The following DSPP variants were observed in gnomAD, a reference collection of about 807,000 sequenced individuals.
DSPP encodes deafness, autosomal dominant 39.
Under a neutral mutation model 29.1 loss-of-function variants are expected in DSPP, and 28 were observed. That is an observed-to-expected ratio of 0.96 (90% CI 0.71 to 1.32). The LOEUF is 1.32. DSPP is among the 40% of genes most tolerant of loss of function. DSPP has a pLI of 0.00. For missense variants in DSPP, 1,281 were observed against 1,629.9 expected (o/e 0.79, Z 3.69); for synonymous variants, 481 against 503.4 (o/e 0.96, Z 0.60).
rs765565376 is a variant in DSPP, at chr4:87,612,601, C to A, written c.415C>A (p.Gln139Lys). ...CATCACAGCAAATGGCATCCAGGGA[C>A]AAGTAAGCATCATTGACAATGCTGG... ...ENITANGIQG[Q>K]VSIIDNAGAT... Residue 139 changes from glutamine to lysine, a missense_variant, in exon 4 of 5, where the codon CAA becomes AAA. Coordinates refer to ENST00000651931, the MANE Select transcript of DSPP (RefSeq NM_014208.3). 6.2e-7 allele frequency: 1 copy of A among 1,613,970 alleles called. No individual in the cohort carries two copies. Among genetic ancestry groups the A allele is most frequent in the Non-Finnish European group, 8.5e-7 (1 of 1,179,968 alleles).
chr4:87,615,882 G>C lies in DSPP; in HGVS notation c.3220G>C (p.Asp1074His), dbSNP rs1727898580. Reference protein sequence around the residue: ...SDSSDSSDSSDSSDSSDSSES... With the variant: ...SDSSDSSDSSHSSDSSDSSES... ...CAGCAGTGATAGCAGTGACAGCAGT[G>C]ACAGCAGCGACAGCAGTGATAGCAG... is the stretch of plus-strand genomic sequence containing the variant. The change falls in exon 5 of 5, where the codon GAC (aspartate) becomes CAC (histidine). Residue 1074 changes from aspartate to histidine, a missense_variant. Coordinates refer to ENST00000651931, the MANE Select transcript of DSPP (RefSeq NM_014208.3). 6.6e-7 allele frequency: 1 copy of C among 1,522,430 alleles called. No homozygotes were observed. The highest frequency in any genetic ancestry group is 8.8e-7 in the Non-Finnish European group (1 of 1,136,974). The allele number at this position is 1,522,430 out of a possible 1,614,324, so 94.3% of individuals were successfully genotyped here.
chr4:87,615,818 T>TGACAGCAGC lies in DSPP; in HGVS notation c.3157_3165dup (p.Asp1053_Ser1055dup), dbSNP rs1727893845. 1 of 1,513,116 alleles carries TGACAGCAGC rather than the reference T, an allele frequency of 6.6e-7. No homozygotes were observed. The highest frequency in any genetic ancestry group is 1.8e-5 in the African/African-American group (1 of 56,130). 93.7% of individuals were successfully genotyped at this position (1,513,116 alleles called of 1,614,324 possible). A position where few individuals can be genotyped will look rare whatever the true frequency, so the allele number is the denominator to read the frequency against. On this transcript the variant is annotated inframe_insertion, in exon 5 of 5. Coordinates refer to ENST00000651931, the MANE Select transcript of DSPP (RefSeq NM_014208.3). Reference sequence around the variant, plus strand: ...ACAGCAGCGATAGCAGTGACAGCAGTGACAGCAGCAATAGCAGTGACAGCA... The same window carrying TGACAGCAGC: ...ACAGCAGCGATAGCAGTGACAGCAGTGACAGCAGCGACAGCAGCAATAGCAGTGACAGCA...
At position 87,612,186 on chromosome 4, in the gene DSPP, C is replaced by A. The variant is rs121912985; in HGVS notation, c.133C>A (p.Gln45Lys). 4 of 1,613,900 alleles carry A rather than the reference C, an allele frequency of 2.5e-6. No individual in the cohort carries two copies. The highest frequency in any genetic ancestry group is 2.5e-6 in the Non-Finnish European group (3 of 1,179,902). Residue 45 changes from glutamine to lysine, a missense_variant and splice_region_variant, in exon 3 of 5, where the codon CAG becomes AAG. Gln to Lys is a moderately conservative substitution (Grantham distance 53). Around this residue, in one of 4 missense-constraint regions of DSPP, gnomAD observed 631 missense variants for 643.2 expected, o/e 0.98. Transcript: ENST00000651931. Reference sequence around the variant, plus strand: ...CCTAGCAAGATCAAATGTGTCAGTACAGGTATAGGATGTAATATATTTCAT... The same window carrying A: ...CCTAGCAAGATCAAATGTGTCAGTAAAGGTATAGGATGTAATATATTTCAT... Reference protein sequence around the residue: ...HLLARSNVSVQDELNASGTIK... With the variant: ...HLLARSNVSVKDELNASGTIK...
intron 4 of DSPP, 133 bp from the exon 5 acceptor site, chr4:87,613,652 C>G (rs1433427822): frequency 7.6e-7 from 1 of 1,323,692 alleles, no homozygotes; most frequent in East Asian, 2.3e-5. Flanking sequence ...CACATTTTCA[C>G]AAATAACTGT....
Position 87,616,494 on chromosome 4 carries a change from G to A in DSPP, c.3832G>A (p.Gly1278Ser). ...TGACAGCCAGAGCAAGTCTGGTAAC[G>A]GTAACAACAATGGAAGTGACAGTGA... ...ESDSQSKSGN[G>S]NNNGSDSDSD... The change falls in exon 5 of 5, where the codon GGT (glycine) becomes AGT (serine). Residue 1278 changes from glycine (G) to serine (S), a missense_variant. Around this residue, in one of 4 missense-constraint regions of DSPP, gnomAD observed 134 missense variants for 185.0 expected, o/e 0.72. Coordinates refer to ENST00000651931, the MANE Select transcript of DSPP (RefSeq NM_014208.3). 5.2e-6 allele frequency: 8 copies of A among 1,551,750 alleles called. No homozygotes were observed. Among genetic ancestry groups the A allele is most frequent in the Non-Finnish European group, 7.0e-6 (8 of 1,147,000 alleles).
rs552366083 is a variant in DSPP at position 87,611,362 on chromosome 4, G to C, written c.51+403G>C. Reference sequence around the variant, plus strand: ...TTTCATTCTAATACGAACAAAGTCTGTGCTGTTTAGGAAGTTTCCAAGAAA... The same window carrying C: ...TTTCATTCTAATACGAACAAAGTCTCTGCTGTTTAGGAAGTTTCCAAGAAA... On this transcript the variant is annotated intron_variant, in intron 2 of 4. Coordinates refer to ENST00000651931, the MANE Select transcript of DSPP (RefSeq NM_014208.3). Among the ~76,000 whole-genome samples the C allele has an allele frequency of 3.3e-5, 5 of 152,234 alleles. No individual in the cohort carries two copies. The East Asian group carries it at 7.7e-4, about 23-fold the overall frequency.
At chr4:87,609,972 A>G (rs1056844819) in intron 1 of DSPP, among the ~76,000 whole-genome samples, 1 of 152,250 alleles carries the variant, frequency 6.6e-6, no homozygotes, top group African/African-American at 2.4e-5. Context: ...GCTATCATTT[A>G]TTCAAAAATT....
chr4:87,609,644 G>C (rs1402033841), intron 1 of DSPP, among the ~76,000 whole-genome samples: 1 of 152,112 alleles, frequency 6.6e-6, no homozygotes, highest in South Asian at 2.1e-4. Flanking sequence ...GTGAGAAAAC[G>C]CCAGTAATTC....
Position 87,616,099 on chromosome 4 carries a change from A to G in DSPP, c.3437A>G (p.Asp1146Gly). The stretch of plus-strand genomic sequence containing the variant: ...AGCAGCAACAGCAGTGACAGCAGTG[A>G]CAGCAGTGAAAGCAGCGACAGCAGT... ...SDSSNSSDSS[D>G]SSESSDSSDS... The change falls in exon 5 of 5, where the codon GAC becomes GGC. Residue 1146 changes from aspartate (D) to glycine (G), a missense_variant. Asp to Gly is a moderately conservative substitution (Grantham distance 94). Transcript: ENST00000651931. 6.6e-7 allele frequency: 1 copy of G among 1,512,968 alleles called. No homozygotes were observed. The highest frequency in any genetic ancestry group is 8.9e-7 in the Non-Finnish European group (1 of 1,129,580). The allele number at this position is 1,512,968 out of a possible 1,614,324, so 93.7% of individuals were successfully genotyped here. A position where few individuals can be genotyped will look rare whatever the true frequency, so the allele number is the denominator to read the frequency against.
rs1267904471 is a variant in DSPP at position 87,612,471 on chromosome 4, A to C, written c.285A>C (p.Thr95=). 4 of 1,613,898 alleles carry C rather than the reference A, an allele frequency of 2.5e-6. No homozygotes were observed. Among genetic ancestry groups the C allele is most frequent in the Non-Finnish European group, 3.4e-6 (4 of 1,179,936 alleles). Residue 95 remains threonine (T), a synonymous_variant, in exon 4 of 5, where the codon ACA becomes ACC. Transcript: ENST00000651931. The part of the protein sequence containing the change: ...WAEVGGKSFS[T]YSTLANEEGN... The stretch of plus-strand genomic sequence containing the variant: ...AAGTAGGAGGGAAGAGTTTTTCTAC[A>C]TATTCCACATTAGCAAACGAAGAGG...
At position 87,615,242 on chromosome 4, in the gene DSPP, C is replaced by T. The variant is rs534966649; in HGVS notation, c.2580C>T (p.Asp860=). 108 of 1,524,530 alleles carry T rather than the reference C, an allele frequency of 7.1e-5. No individual in the cohort carries two copies. In the South Asian group the frequency reaches 1.3e-3, roughly 18 times the overall value. The allele number at this position is 1,524,530 out of a possible 1,614,324, so 94.4% of individuals were successfully genotyped here. The change falls in exon 5 of 5, where the codon GAC becomes GAT. Residue 860 remains aspartate, a synonymous_variant. Coordinates refer to ENST00000651931, the MANE Select transcript of DSPP (RefSeq NM_014208.3). ...GSDSDSSNRS[D]SSNSSDSSDS... ...ATAGCGACAGCAGCAATAGAAGTGA[C>T]AGTAGTAATAGTAGTGACAGCAGCG...
chr4:87,615,504 A>T lies in DSPP; in HGVS notation c.2842A>T (p.Ser948Cys), dbSNP rs1205486052. 3 of 1,543,546 alleles carry T rather than the reference A, an allele frequency of 1.9e-6. No homozygotes were observed. Among genetic ancestry groups the T allele is most frequent in the Non-Finnish European group, 2.6e-6 (3 of 1,141,148 alleles). ...CAACAGCAGTGACAGCAGTGATAGC[A>T]GTGACAGCAGTAATAGTAGTGACAG... is the stretch of plus-strand genomic sequence containing the variant. ...SSNSSDSSDS[S>C]DSSNSSDSSN... The change falls in exon 5 of 5, where the codon AGT becomes TGT. Residue 948 changes from serine (S) to cysteine (C), a missense_variant. Ser to Cys is a moderately radical substitution (Grantham distance 112). Around this residue, in one of 4 missense-constraint regions of DSPP, gnomAD observed 444 missense variants for 611.4 expected, o/e 0.73. Transcript: ENST00000651931.
In DSPP at chr4:87,612,541, T is replaced by C; in HGVS notation, c.355T>C (p.Tyr119His). 1 of 1,613,770 alleles carries C rather than the reference T, an allele frequency of 6.2e-7. No homozygotes were observed. Among genetic ancestry groups the C allele is most frequent in the East Asian group, 2.2e-5 (1 of 44,874 alleles). Residue 119 changes from tyrosine to histidine, a missense_variant, in exon 4 of 5, where the codon TAT becomes CAT. Coordinates refer to ENST00000651931, the MANE Select transcript of DSPP (RefSeq NM_014208.3). ...TGGGGACACAGGAAAAGCAGAAACA[T>C]ATGGTCATGATGGAATACATGGGAA... ...WNGDTGKAET[Y>H]GHDGIHGKEE... is the part of the protein sequence containing the mutation.
rs781578036 is a variant in DSPP at position 87,610,894 on chromosome 4, T to A, written c.-15T>A. ...TTTTTTATACAGCCATTGATTATTA[T>A]TATTCCTAAAGAAAATGAAGATAAT... On this transcript the variant is annotated 5_prime_UTR_variant, in exon 2 of 5. Transcript: ENST00000651931. The A allele has an allele frequency of 1.5e-4, 235 of 1,608,870 alleles. 1 individual carries two copies. Among genetic ancestry groups the A allele is most frequent in the Non-Finnish European group, 1.9e-5 (22 of 1,175,262 alleles).
Position 87,615,010 on chromosome 4 carries a change from G to A in DSPP, c.2348G>A (p.Ser783Asn). 1 of 1,551,062 alleles carries A rather than the reference G, an allele frequency of 6.4e-7. No individual in the cohort carries two copies. Among genetic ancestry groups the A allele is most frequent in the Non-Finnish European group, 8.7e-7 (1 of 1,146,770 alleles). The change falls in exon 5 of 5, where the codon AGT (serine) becomes AAT (asparagine). Residue 783 changes from serine (S) to asparagine (N), a missense_variant. This residue lies in a region of DSPP where 444 missense variants were observed against 611.4 expected (regional missense o/e 0.73). Coordinates refer to ENST00000651931, the MANE Select transcript of DSPP (RefSeq NM_014208.3). Reference protein sequence around the residue: ...SSDSSDSSNSSDSNDSSNSSD... With the variant: ...SSDSSDSSNSNDSNDSSNSSD... ...GATAGTAGTGACAGCAGCAACAGCA[G>A]TGATAGCAACGACAGCAGCAATAGC...
At position 87,609,726 on chromosome 4, in the gene DSPP, T is replaced by C. The variant is rs939728923; in HGVS notation, c.-29+1106T>C. On this transcript the variant is annotated intron_variant, in intron 1 of 4. Coordinates refer to ENST00000651931, the MANE Select transcript of DSPP (RefSeq NM_014208.3). Reference sequence around the variant, plus strand: ...ACCATTAAATTCAATCAAAGCCATTTTATGACATGCAGCATTATAATCTAT... The same window carrying C: ...ACCATTAAATTCAATCAAAGCCATTCTATGACATGCAGCATTATAATCTAT... 2.0e-5 allele frequency among the ~76,000 whole-genome samples: 3 copies of C among 152,222 alleles called. No individual in the cohort carries two copies. In the East Asian group the frequency reaches 5.8e-4, roughly 29 times the overall value.
chr4:87,610,963 A>T lies in DSPP; in HGVS notation c.51+4A>T. ...GGCAGTAGCATGGGCCATTCCAGTA[A>T]GTATGCCTTTCTTAGAAAACCTCTT... On this transcript the variant is annotated splice_donor_region_variant and intron_variant, in intron 2 of 4. Coordinates refer to ENST00000651931, the MANE Select transcript of DSPP (RefSeq NM_014208.3). 2 of 1,612,548 alleles carry T rather than the reference A, an allele frequency of 1.2e-6. No individual in the cohort carries two copies. Among genetic ancestry groups the T allele is most frequent in the Non-Finnish European group, 1.7e-6 (2 of 1,179,272 alleles).
Position 87,616,800 on chromosome 4 carries a change from G to GA in DSPP, c.*236dup, listed in dbSNP as rs1035720866. On this transcript the variant is annotated 3_prime_UTR_variant, in exon 5 of 5. Transcript: ENST00000651931. ...ACATGCCTGTTAATATTCATGTTCTGAAAATATTTTGTTAAAAGTGTAAAT... is the reference window on the plus strand; with the variant it reads ...ACATGCCTGTTAATATTCATGTTCTGAAAAATATTTTGTTAAAAGTGTAAAT... 1.5e-6 allele frequency: 1 copy of GA among 669,744 alleles called. No individual in the cohort carries two copies. The highest frequency in any genetic ancestry group is 1.8e-5 in the African/African-American group (1 of 54,986). The allele number at this position is 669,744 out of a possible 1,614,324, so 41.5% of individuals were successfully genotyped here. A position where few individuals can be genotyped will look rare whatever the true frequency, so the allele number is the denominator to read the frequency against.
intron 1 of DSPP, among the ~76,000 whole-genome samples, chr4:87,609,022 A>G (rs1727686353): frequency 6.6e-6 from 1 of 152,226 alleles, no homozygotes; most frequent in Non-Finnish European, 1.5e-5. Flanking sequence ...TTATTGTCCC[A>G]CATGAAATGA....
Sources: allele counts gnomAD v4.1 joint callset (sites outside exome capture counted in the v4.1 genomes callset), GRCh38; gene constraint gnomAD v4.1.1; regional missense constraint gnomAD v4.1.1; transcripts MANE v1.5; gene names NCBI Gene and HGNC (gene_info 2026-07-23, HGNC 2026-07-21).